The following PIBF1 variants were observed in gnomAD, a reference collection of about 807,000 sequenced individuals.
PIBF1 encodes progesterone immunomodulatory binding factor 1, also known as progesterone-induced-blocking factor 1.
PIBF1 carries 90 observed loss-of-function variants against 112.5 expected under a neutral mutation model. The observed-to-expected ratio is 0.80, with a 90% CI of 0.67 to 0.95. The LOEUF is 0.95. PIBF1 is among the 40% of genes least tolerant of loss of function. The pLI is 0.00. For synonymous variants in PIBF1, 301 were observed against 288.6 expected, an observed-to-expected ratio of 1.04 and a Z score of -0.44; for missense variants, 915 against 852.3, an observed-to-expected ratio of 1.07 and a Z score of -0.92.
Position 72,827,116 on chromosome 13 carries a change from G to A in PIBF1, c.913G>A (p.Glu305Lys), listed in dbSNP as rs1334843350. The stretch of plus-strand genomic sequence containing the variant: ...AAAAGAACGAAGTGAATTATCAAAA[G>A]AGGTAAGCTTATAATTAGAGTCACT... Reference protein sequence around the residue: ...QTKERSELSKEVVTLEQTVTL... With the variant: ...QTKERSELSKKVVTLEQTVTL... Residue 305 changes from glutamate (E) to lysine (K), a missense_variant and splice_region_variant, in exon 7 of 18, where the codon GAG (glutamate) becomes AAG (lysine). Coordinates refer to ENST00000326291, the MANE Select transcript of PIBF1 (RefSeq NM_006346.4). 2.6e-6 allele frequency: 4 copies of A among 1,517,556 alleles called. No homozygotes were observed. The highest frequency in any genetic ancestry group is 1.2e-5 in the South Asian group (1 of 84,328). The allele number at this position is 1,517,556 out of a possible 1,614,324, so 94.0% of individuals were successfully genotyped here.
intron 16 of PIBF1, among the ~76,000 whole-genome samples, chr13:72,976,910 C>T (rs1303070722): frequency 6.6e-6 from 1 of 152,030 alleles, no homozygotes; most frequent in Non-Finnish European, 1.5e-5. Context: ...GTGAGGCAAG[C>T]AAGGCATCTA....
intron 6 of PIBF1, among the ~76,000 whole-genome samples, chr13:72,822,363 A>T (rs2036596451): frequency 6.6e-6 from 1 of 152,122 alleles, no homozygotes; most frequent in Admixed American, 6.6e-5. Context: ...CAAAAAAAAA[A>T]TGACACTTTC....
At chr13:72,939,474 A>C (rs1262032180) in intron 14 of PIBF1, among the ~76,000 whole-genome samples, 1 of 152,198 alleles carries the variant, frequency 6.6e-6, no homozygotes, top group African/African-American at 2.4e-5. Flanking sequence ...AAATGGAATC[A>C]TACAATATGT....
intron 16 of PIBF1, among the ~76,000 whole-genome samples, chr13:72,978,970 G>A (rs893229545): frequency 5.3e-5 from 8 of 152,152 alleles, no homozygotes; most frequent in African/African-American, 1.7e-4. Context: ...CAAGGTGGGA[G>A]GAACGCTTGA....
At chr13:72,895,017 G>A (rs1267380829) in intron 11 of PIBF1, among the ~76,000 whole-genome samples, 1 of 119,320 alleles carries the variant, frequency 8.4e-6, no homozygotes, top group Non-Finnish European at 2.1e-5. Context: ...CCAGCTACTT[G>A]GGGGTTGAGA....
In PIBF1 at chr13:72,827,774, T is replaced by C. The variant is rs757082394; in HGVS notation, c.957T>C (p.Asp319=). The change falls in exon 8 of 18, where the codon GAT becomes GAC. Residue 319 remains aspartate, a synonymous_variant. Transcript: ENST00000326291. ...AAACTGTTACTTTACTGCAAAAGGA[T>C]AAAGAATATCTTAATCGCCAAAACA... ...LEQTVTLLQK[D]KEYLNRQNME... is the part of the protein sequence containing the mutation. 6.3e-7 allele frequency: 1 copy of C among 1,599,290 alleles called. No homozygotes were observed. The highest frequency in any genetic ancestry group is 1.1e-5 in the South Asian group (1 of 87,200).
chr13:72,899,373 A>G (rs2040400951), intron 11 of PIBF1, among the ~76,000 whole-genome samples: 1 of 152,218 alleles, frequency 6.6e-6, no homozygotes, highest in African/African-American at 2.4e-5. Flanking sequence ...TAAAATCCTT[A>G]ACAAAATACT....
At chr13:72,870,933 A>T (rs1361279523) in intron 10 of PIBF1, among the ~76,000 whole-genome samples, 2 of 152,060 alleles carry the variant, frequency 1.3e-5, no homozygotes, top group Non-Finnish European at 2.9e-5. Flanking sequence ...CAGAATAAAG[A>T]GCTTTTATTT....
At chr13:72,919,732 C>CCAAT (rs10528784) in intron 13 of PIBF1, among the ~76,000 whole-genome samples, 31,622 of 151,984 alleles carry the variant, frequency 0.21, 3,357 homozygotes, top group Middle Eastern at 0.27. Flanking sequence ...CTTTGAGAGG[C>CCAAT]CAATGCAGGC....
chr13:72,828,384 G>A (rs541414742), intron 8 of PIBF1, among the ~76,000 whole-genome samples: 20 of 151,104 alleles, frequency 1.3e-4, no homozygotes, highest in Admixed American at 5.3e-4. Context: ...CCATCAACCC[G>A]TCACCTACAT....
At chr13:72,804,111 A>G (rs1407549581) in intron 5 of PIBF1, among the ~76,000 whole-genome samples, 2 of 152,194 alleles carry the variant, frequency 1.3e-5, no homozygotes, top group Admixed American at 6.5e-5. Flanking sequence ...ATCCAAAGGA[A>G]GTAGCAAGAA....
intron 16 of PIBF1, among the ~76,000 whole-genome samples, chr13:72,998,534 G>T (rs1004706740): frequency 6.6e-6 from 1 of 152,086 alleles, no homozygotes; most frequent in Non-Finnish European, 1.5e-5. Context: ...AGTCTCTGGG[G>T]TTGGGACACA....
chr13:72,889,718 C>G (rs2039985349), intron 10 of PIBF1, among the ~76,000 whole-genome samples: 1 of 152,110 alleles, frequency 6.6e-6, no homozygotes, highest in South Asian at 2.1e-4. Flanking sequence ...TGCTTTGCCT[C>G]AGCTGCTGCA....
At position 72,944,542 on chromosome 13, in the gene PIBF1, C is replaced by G. The variant is rs191996792; in HGVS notation, c.1833+13275C>G. On this transcript the variant is annotated intron_variant, in intron 14 of 17. Transcript: ENST00000326291. Reference sequence around the variant, plus strand: ...TGTTTAATAATAATTTAAATAATTTCTGCTCTTATCAAATGCAGAAGTGTA... The same window carrying G: ...TGTTTAATAATAATTTAAATAATTTGTGCTCTTATCAAATGCAGAAGTGTA... Among the ~76,000 whole-genome samples the G allele has an allele frequency of 1.2e-3, 178 of 151,812 alleles. 2 individuals are homozygous for G. The highest frequency in any genetic ancestry group is 4.0e-3 in the African/African-American group (164 of 41,414).
chr13:72,983,871 T>A (rs2043212581), intron 16 of PIBF1, among the ~76,000 whole-genome samples: 1 of 152,218 alleles, frequency 6.6e-6, no homozygotes, highest in South Asian at 2.1e-4. Flanking sequence ...AAAAAACTAC[T>A]GAGCGGGTAA....
intron 2 of PIBF1, among the ~76,000 whole-genome samples, chr13:72,790,325 G>T (rs1387458127): frequency 6.6e-6 from 1 of 151,854 alleles, no homozygotes. Context: ...GGAGAAAACT[G>T]ATCTGGGAGG....
chr13:73,015,833 C>A, intron 17 of PIBF1, 36 bp from the exon 18 acceptor site: 1 of 1,329,108 alleles, frequency 7.5e-7, no homozygotes. Flanking sequence ...TCCTTGTAAG[C>A]ATTTTATTGG....
intron 10 of PIBF1, among the ~76,000 whole-genome samples, chr13:72,872,328 A>T (rs1187533562): frequency 6.6e-6 from 1 of 152,210 alleles, no homozygotes; most frequent in Non-Finnish European, 1.5e-5. Flanking sequence ...TCATTATCAG[A>T]AATAGGACTT....
intron 8 of PIBF1, among the ~76,000 whole-genome samples, chr13:72,832,859 T>C (rs1222947600): frequency 1.3e-5 from 2 of 152,202 alleles, no homozygotes; most frequent in Non-Finnish European, 1.5e-5. Context: ...TATCCTGAAG[T>C]GTTTTCCAAC....
Sources: allele counts gnomAD v4.1 joint callset (sites outside exome capture counted in the v4.1 genomes callset), GRCh38; gene constraint gnomAD v4.1.1; transcripts MANE v1.5; gene names NCBI Gene and HGNC (gene_info 2026-07-23, HGNC 2026-07-21).